Variants in CCDC7 observed in about 807,000 individuals in gnomAD.
The protein encoded by CCDC7 is coiled-coil domain containing 7.
A neutral mutation model predicts 196.9 loss-of-function variants in CCDC7; 183 were observed. That is an observed-to-expected ratio of 0.93 (90% CI 0.82 to 1.05). The LOEUF is 1.05. CCDC7 is among the 50% of genes least tolerant of loss of function. The pLI is 0.00. For synonymous variants in CCDC7, 525 were observed against 484.6 expected, an observed-to-expected ratio of 1.08 and a Z score of -1.10; for missense variants, 1,540 against 1,482.2, an observed-to-expected ratio of 1.04 and a Z score of -0.64.
At chr10:32,714,103 C>G (rs2081239458) in intron 25 of CCDC7, among the ~76,000 whole-genome samples, 1 of 152,136 alleles carries the variant, frequency 6.6e-6, no homozygotes, top group African/African-American at 2.4e-5. Flanking sequence ...GGGCTATATT[C>G]CCAGGCAAGA....
intron 29 of CCDC7, among the ~76,000 whole-genome samples, chr10:32,794,677 G>GA (rs2083262143): frequency 6.6e-6 from 1 of 152,094 alleles, no homozygotes; most frequent in South Asian, 2.1e-4. Flanking sequence ...TAATATTAGT[G>GA]ATAATGAGCA....
intron 18 of CCDC7, among the ~76,000 whole-genome samples, chr10:32,619,231 A>T (rs3006747): frequency 1.3e-4 from 20 of 152,122 alleles, no homozygotes; most frequent in Non-Finnish European, 2.6e-4. Flanking sequence ...AAACATAGTA[A>T]AACTTTTGAG....
chr10:32,869,741 A>G (rs568675328), intron 41 of CCDC7, among the ~76,000 whole-genome samples: 1 of 151,922 alleles, frequency 6.6e-6, no homozygotes, highest in South Asian at 2.1e-4. Flanking sequence ...TAATTTTTGT[A>G]TAAGGTGTAA....
intron 18 of CCDC7, among the ~76,000 whole-genome samples, chr10:32,597,187 A>C (rs1394235456): frequency 1.3e-5 from 2 of 152,122 alleles, no homozygotes; most frequent in Non-Finnish European, 2.9e-5. Context: ...TTGGCTTTTC[A>C]CATAGTCCCA....
chr10:32,473,827 G>T, intron 7 of CCDC7, 140 bp from the exon 9 acceptor site: 4 of 666,988 alleles, frequency 6.0e-6, no homozygotes, highest in Non-Finnish European at 9.4e-6. Context: ...AGGAAGATCT[G>T]CAGTGTTGGC....
intron 8 of CCDC7, among the ~76,000 whole-genome samples, chr10:32,478,858 GA>G (rs1477262765): frequency 7.2e-4 from 109 of 152,192 alleles, no homozygotes; most frequent in African/African-American, 2.5e-3. Flanking sequence ...CTGTCTTCTG[GA>G]AGAGATCATA....
intron 13 of CCDC7, among the ~76,000 whole-genome samples, chr10:32,561,026 C>T (rs542675950): frequency 9.2e-6 from 1 of 108,838 alleles, no homozygotes; most frequent in African/African-American, 3.1e-5. Context: ...CAATCCTAGT[C>T]TCTGATAAAA....
At chr10:32,689,706 A>G (rs1276396339) in intron 23 of CCDC7, among the ~76,000 whole-genome samples, 2 of 151,806 alleles carry the variant, frequency 1.3e-5, no homozygotes, top group Admixed American at 6.6e-5. Flanking sequence ...ATGAGAGTGT[A>G]TTTATCGAAA....
chr10:32,636,431 A>G (rs1004343418), intron 20 of CCDC7, among the ~76,000 whole-genome samples: 1 of 151,566 alleles, frequency 6.6e-6, no homozygotes, highest in African/African-American at 2.4e-5. Context: ...TCCTGTGTCC[A>G]TGTGTTCTCA....
At chr10:32,827,338 G>A (rs1217374208) in intron 32 of CCDC7, among the ~76,000 whole-genome samples, 1 of 151,984 alleles carries the variant, frequency 6.6e-6, no homozygotes, top group African/African-American at 2.4e-5. Flanking sequence ...TCGGTACCTG[G>A]TGGCAGGTGG....
chr10:32,681,513 T>G (rs533467669), intron 21 of CCDC7, among the ~76,000 whole-genome samples: 2 of 152,122 alleles, frequency 1.3e-5, no homozygotes, highest in African/African-American at 4.8e-5. Context: ...ACTAAAAATG[T>G]TATATGCCCA....
At chr10:32,749,009 G>A (rs1422630616) in intron 28 of CCDC7, among the ~76,000 whole-genome samples, 3 of 152,122 alleles carry the variant, frequency 2.0e-5, no homozygotes, top group Admixed American at 6.6e-5. Context: ...CCTCCTTGGT[G>A]GTTTTATCCT....
chr10:32,792,747 C>A (rs192485197), intron 29 of CCDC7, among the ~76,000 whole-genome samples: 1 of 152,288 alleles, frequency 6.6e-6, no homozygotes, highest in Non-Finnish European at 1.5e-5. Flanking sequence ...TGGCAGTGAG[C>A]CGAGATCACG....
intron 3 of CCDC7, among the ~76,000 whole-genome samples, chr10:32,459,127 T>C (rs1296320875): frequency 3.3e-5 from 5 of 152,320 alleles, no homozygotes; most frequent in African/African-American, 1.2e-4. Context: ...TTTTTATATG[T>C]TGATTTTATA....
intron 8 of CCDC7, among the ~76,000 whole-genome samples, chr10:32,483,877 C>T (rs1332395042): frequency 1.3e-5 from 2 of 152,146 alleles, no homozygotes; most frequent in Middle Eastern, 3.2e-3. Flanking sequence ...ATACCAGTAC[C>T]ATGCTGTTTT....
At chr10:32,610,383 C>T (rs1226815637) in intron 18 of CCDC7, among the ~76,000 whole-genome samples, 6 of 152,124 alleles carry the variant, frequency 3.9e-5, no homozygotes, top group African/African-American at 1.2e-4. Context: ...GGATTACAGG[C>T]GTGAGCCAAC....
At chr10:32,854,044 C>T (rs1337349343) in intron 40 of CCDC7, among the ~76,000 whole-genome samples, 1 of 152,178 alleles carries the variant, frequency 6.6e-6, no homozygotes, top group Non-Finnish European at 1.5e-5. Context: ...TCTCTCTCCT[C>T]ACTAGGGATC....
intron 8 of CCDC7, among the ~76,000 whole-genome samples, chr10:32,477,417 G>A (rs1216453702): frequency 3.3e-5 from 5 of 151,990 alleles, no homozygotes; most frequent in African/African-American, 1.2e-4. Flanking sequence ...TGGTCAGGCT[G>A]GTCTCGAACT....
chr10:32,752,967 C>T (rs993951613), intron 28 of CCDC7, among the ~76,000 whole-genome samples: 1 of 152,066 alleles, frequency 6.6e-6, no homozygotes, highest in South Asian at 2.1e-4. Flanking sequence ...TTTGTTACAA[C>T]TTACAAGAGA....
Sources: gnomAD v4.1 joint callset for allele counts (sites outside exome capture counted in the v4.1 genomes callset) on GRCh38, gnomAD v4.1.1 for gene constraint, MANE v1.5 for transcripts, NCBI Gene and HGNC (gene_info 2026-07-23, HGNC 2026-07-21) for gene names.